Variants in TAFA1 observed in about 807,000 individuals in gnomAD.
The protein encoded by TAFA1 is TAFA chemokine like family member 1.
In TAFA1, 4 loss-of-function variants were observed where a neutral mutation model predicts 18.5. The observed-to-expected ratio is 0.22, with a 90% CI of 0.11 to 0.49. TAFA1 has a LOEUF of 0.49. Ranked by LOEUF, TAFA1 falls within the 20% of genes least tolerant of loss-of-function variation. The probability of loss-of-function intolerance (pLI) is 0.98; values close to 1 mark genes in which losing one functional copy is unlikely to be tolerated. For synonymous variants in TAFA1, 56 were observed against 55.2 expected (o/e 1.01, Z -0.06); for missense variants, 147 against 169.0 (o/e 0.87, Z 0.72).
At chr3:68,110,330 G>C (rs938025539) in intron 2 of TAFA1, among the ~76,000 whole-genome samples, 12 of 152,142 alleles carry the variant, frequency 7.9e-5, no homozygotes, top group Admixed American at 7.9e-4. Flanking sequence ...TGGCTGCATA[G>C]TATTCCATGA....
upstream of TAFA1, among the ~76,000 whole-genome samples, chr3:68,002,542 G>A (rs184586698): frequency 1.8e-3 from 272 of 152,192 alleles, 3 homozygotes; most frequent in African/African-American, 5.8e-3. Flanking sequence ...CAACAATCAC[G>A]GGGCAAAAGC....
chr3:68,139,473 G>A (rs916140371), intron 2 of TAFA1, among the ~76,000 whole-genome samples: 2 of 152,024 alleles, frequency 1.3e-5, no homozygotes, highest in Admixed American at 1.3e-4. Flanking sequence ...ATTCACTTTG[G>A]GCACAGTGGG....
chr3:68,293,511 C>T (rs985821781), intron 2 of TAFA1, among the ~76,000 whole-genome samples: 26 of 152,158 alleles, frequency 1.7e-4, no homozygotes, highest in African/African-American at 5.6e-4. Context: ...AGGACTCAAA[C>T]CCTATTGTCA....
At chr3:68,154,903 A>G (rs1042946939) in intron 2 of TAFA1, among the ~76,000 whole-genome samples, 3 of 152,342 alleles carry the variant, frequency 2.0e-5, no homozygotes, top group Admixed American at 1.3e-4. Flanking sequence ...TGCAATGAAG[A>G]CAGGGAAAAA....
chr3:68,409,067 A>G (rs1187064038), intron 2 of TAFA1, among the ~76,000 whole-genome samples: 1 of 152,192 alleles, frequency 6.6e-6, no homozygotes, highest in Non-Finnish European at 1.5e-5. Flanking sequence ...GTAGGCTCAT[A>G]CACAGTAGAA....
intron 2 of TAFA1, among the ~76,000 whole-genome samples, chr3:68,085,041 CAT>C (rs1264043236): frequency 2.0e-5 from 3 of 152,272 alleles, no homozygotes; most frequent in East Asian, 1.9e-4. Context: ...ACACTATAAA[CAT>C]GTGTGTTCAA....
chr3:68,085,174 A>T (rs973139693), intron 2 of TAFA1, among the ~76,000 whole-genome samples: 4 of 152,190 alleles, frequency 2.6e-5, no homozygotes, highest in African/African-American at 9.6e-5. Flanking sequence ...AGAGTAAGGC[A>T]TTGCTATCTT....
intron 2 of TAFA1, among the ~76,000 whole-genome samples, chr3:68,044,813 G>T (rs948907746): frequency 3.3e-5 from 5 of 152,172 alleles, no homozygotes; most frequent in African/African-American, 1.2e-4. Context: ...TTTAAGATGG[G>T]AATGATAATA....
At chr3:68,271,767 C>A (rs540834312) in intron 2 of TAFA1, among the ~76,000 whole-genome samples, 9 of 151,958 alleles carry the variant, frequency 5.9e-5, no homozygotes, top group Middle Eastern at 3.4e-3. Context: ...TCATCTCCCC[C>A]CTTCCATATT....
chr3:68,263,451 A>ACACG (rs66804828), intron 2 of TAFA1, among the ~76,000 whole-genome samples: 10,173 of 149,732 alleles, frequency 0.068, 498 homozygotes, highest in East Asian at 0.3. Context: ...ACACATACAC[A>ACACG]CACACACACA....
intron 2 of TAFA1, among the ~76,000 whole-genome samples, chr3:68,334,354 TTTGTTGTTG>T (rs146423738): frequency 6.7e-6 from 1 of 150,144 alleles, no homozygotes; most frequent in African/African-American, 2.5e-5. Flanking sequence ...CTATATTTCT[TTTGTTGTTG>T]TTGTTGTTGT....
At chr3:68,426,472 T>C (rs1451450978) in intron 3 of TAFA1, among the ~76,000 whole-genome samples, 2 of 151,838 alleles carry the variant, frequency 1.3e-5, no homozygotes, top group Non-Finnish European at 2.9e-5. Flanking sequence ...AATAAGTAGT[T>C]CACTGAAAGA....
At position 68,182,579 on chromosome 3, in the gene TAFA1, T is replaced by G. The variant is rs191971152; in HGVS notation, c.118+175835T>G. On this transcript the variant is annotated intron_variant, in intron 2 of 4. Coordinates refer to ENST00000478136, the MANE Select transcript of TAFA1 (RefSeq NM_213609.4). ...TACTAATTTATCTGATCCTATAGAA[T>G]ACTGAATTTATCACATTAACATGAA... 3.9e-4 allele frequency among the ~76,000 whole-genome samples: 59 copies of G among 152,324 alleles called. No individual in the cohort carries two copies. In the East Asian group the frequency reaches 4.3e-3, roughly 11 times the overall value.
chr3:68,178,891 GAA>G (rs2066160295), intron 2 of TAFA1, among the ~76,000 whole-genome samples: 1 of 152,236 alleles, frequency 6.6e-6, no homozygotes, highest in African/African-American at 2.4e-5. Context: ...ATGGCTTGAA[GAA>G]AGTCAGTAGT....
intron 2 of TAFA1, among the ~76,000 whole-genome samples, chr3:68,173,996 A>G (rs2066092071): frequency 6.6e-6 from 1 of 152,220 alleles, no homozygotes; most frequent in African/African-American, 2.4e-5. Flanking sequence ...ATTGAATGTT[A>G]TAAAAACAGT....
intron 2 of TAFA1, among the ~76,000 whole-genome samples, chr3:68,327,830 A>G (rs57604261): frequency 1.3e-5 from 2 of 152,212 alleles, no homozygotes; most frequent in African/African-American, 4.8e-5. Context: ...AAAGCATGAC[A>G]TAGAGCTGCC....
chr3:68,446,377 C>A (rs571756679), intron 3 of TAFA1, among the ~76,000 whole-genome samples: 1 of 152,176 alleles, frequency 6.6e-6, no homozygotes, highest in Non-Finnish European at 1.5e-5. Context: ...TTGCTGATCC[C>A]TAGATAAAGA....
intron 2 of TAFA1, among the ~76,000 whole-genome samples, chr3:68,328,374 A>G (rs1458005950): frequency 1.3e-5 from 2 of 152,228 alleles, no homozygotes; most frequent in Non-Finnish European, 2.9e-5. Flanking sequence ...TTTCAGAAGG[A>G]CAGTCTCTTC....
chr3:68,226,000 T>G (rs561879487), intron 2 of TAFA1, among the ~76,000 whole-genome samples: 22 of 152,328 alleles, frequency 1.4e-4, no homozygotes, highest in Non-Finnish European at 7.4e-5. Flanking sequence ...AAGAGTCATA[T>G]TTCACAAAAC....
Sources: allele counts gnomAD v4.1 joint callset (sites outside exome capture counted in the v4.1 genomes callset), GRCh38; gene constraint gnomAD v4.1.1; transcripts MANE v1.5; gene names NCBI Gene and HGNC (gene_info 2026-07-23, HGNC 2026-07-21).